Variants in NBPF11 observed in about 807,000 individuals in gnomAD.
NBPF11 encodes the protein NBPF family member NBPF11.
A neutral mutation model predicts 93.9 loss-of-function variants in NBPF11; 72 were observed. The ratio of observed to expected loss-of-function variants is 0.77; its 90% CI spans 0.63 to 0.93. The LOEUF (loss-of-function observed/expected upper bound fraction) is 0.93, where lower values mean the gene tolerates loss of function less well. Among genes scored for constraint, NBPF11 ranks in the 40% least tolerant of loss-of-function variants. The pLI, the probability that NBPF11 is intolerant of heterozygous loss-of-function variation, is 0.00. For missense variants in NBPF11, 705 were observed against 802.2 expected, an observed-to-expected ratio of 0.88 and a Z score of 1.46; for synonymous variants, 224 against 304.9, an observed-to-expected ratio of 0.73 and a Z score of 2.76.
In NBPF11 at chr1:148,149,131, C is replaced by A; in HGVS notation, c.-549+2619G>T. 6 of 1,578,346 alleles carry A rather than the reference C, an allele frequency of 3.8e-6. No homozygotes were observed. In the South Asian group the frequency reaches 6.8e-5, roughly 18 times the overall value. ...GGGAAGGGTGCGCGCGCGTTGGAGG[C>A]CGCGGCTGACCCTGCTCCGGCGCCG... On this transcript the variant is annotated intron_variant, in intron 1 of 23. Transcript: ENST00000682118.
intron 7 of NBPF11, among the ~76,000 whole-genome samples, chr1:148,123,389 C>T (rs1343689344): frequency 6.6e-6 from 1 of 152,222 alleles, no homozygotes; most frequent in Non-Finnish European, 1.5e-5. Context: ...CGTAAGTGTT[C>T]CCATATTTGG....
intron 2 of NBPF11, among the ~76,000 whole-genome samples, chr1:148,139,035 G>A (rs1257871380): frequency 1.3e-5 from 2 of 151,356 alleles, no homozygotes; most frequent in African/African-American, 4.9e-5. Flanking sequence ...AGGTTGCAGT[G>A]AGCTGAGATG....
chr1:148,146,704 G>C (rs1425614186), intron 1 of NBPF11: 8 of 1,611,938 alleles, frequency 5.0e-6, no homozygotes, highest in African/African-American at 1.3e-5. Context: ...CTGCATGTAT[G>C]TTCGCTGCGT....
intron 9 of NBPF11, among the ~76,000 whole-genome samples, chr1:148,121,057 C>T (rs1358339111): frequency 2.6e-5 from 4 of 151,636 alleles, no homozygotes; most frequent in Non-Finnish European, 4.4e-5. Context: ...TTTTTGTTTT[C>T]TGTTTGAGAC....
At chr1:148,149,232 C>T (rs1356371707) in intron 1 of NBPF11, 16 of 1,565,928 alleles carry the variant, frequency 1.0e-5, no homozygotes, top group Admixed American at 5.1e-5. Flanking sequence ...ATGGACCTGG[C>T]CTCGCGCTAC....
At chr1:148,114,261 C>G (rs1276405812) in intron 15 of NBPF11, among the ~76,000 whole-genome samples, 176 bp downstream of exon 15, 2 of 151,778 alleles carry the variant, frequency 1.3e-5, no homozygotes, top group Non-Finnish European at 2.9e-5. Flanking sequence ...CTTGAGAGGA[C>G]TATGAAATTA....
At chr1:148,132,734 T>C (rs1670628153) in intron 4 of NBPF11, among the ~76,000 whole-genome samples, 1 of 38,414 alleles carries the variant, frequency 2.6e-5, no homozygotes, top group South Asian at 1.2e-3. Context: ...TTTTTTTTTT[T>C]TTTTTTTTTT....
intron 4 of NBPF11, among the ~76,000 whole-genome samples, chr1:148,133,008 C>T (rs1281025514): frequency 9.4e-5 from 14 of 148,482 alleles, no homozygotes; most frequent in Admixed American, 9.4e-4. Flanking sequence ...CCTCGGCTTC[C>T]CAAAGTGCTG....
rs1668049023 is a variant in NBPF11, at chr1:148,122,282, G to T, written c.567-16C>A. On this transcript the variant is annotated splice_polypyrimidine_tract_variant and intron_variant, in intron 8 of 23. Coordinates refer to ENST00000682118, the MANE Select transcript of NBPF11 (RefSeq NM_001385469.3). ...CTGCACCTCCCTGATGAGCCAGGTG[G>T]GACAGAGATGACAGAAGATTAAACA... is the stretch of plus-strand genomic sequence containing the variant. 2.5e-6 allele frequency: 4 copies of T among 1,609,260 alleles called. No individual in the cohort carries two copies. The highest frequency in any genetic ancestry group is 3.4e-6 in the Non-Finnish European group (4 of 1,177,622).
Position 148,108,568 on chromosome 1 carries a change from A to C in NBPF11, c.1940T>G (p.Leu647Arg), listed in dbSNP as rs1305062438. ...DRCYSTPSVY[L>R]GLTDSCQPYR... The stretch of plus-strand genomic sequence containing the variant: ...GGGCTGGCATGAGTCAGTCAGTCCA[A>C]GATAAACTGAAGGAGTTGAATAACA... Residue 647 changes from leucine (L) to arginine (R), a missense_variant, in exon 18 of 24, where the codon CTT becomes CGT. By Grantham distance (102) the Leu-to-Arg change is moderately radical (BLOSUM62 -2). Coordinates refer to ENST00000682118, the MANE Select transcript of NBPF11 (RefSeq NM_001385469.3). The C allele has an allele frequency of 3.0e-4, 482 of 1,601,388 alleles. 1 individual carries two copies. The East Asian group carries it at 0.01, about 34-fold the overall frequency.
chr1:148,149,195 G>A (rs1241442365), intron 1 of NBPF11: 101 of 1,574,592 alleles, frequency 6.4e-5, no homozygotes, highest in African/African-American at 3.1e-4. Flanking sequence ...CATCCTGTAC[G>A]GGCAGAGCAT....
intron 1 of NBPF11, among the ~76,000 whole-genome samples, chr1:148,149,969 C>A (rs1230804636): frequency 6.6e-6 from 1 of 151,692 alleles, no homozygotes; most frequent in Non-Finnish European, 1.5e-5. Flanking sequence ...TGTGGGGTAA[C>A]TGGAATATTC....
In NBPF11 at chr1:148,103,794, T is replaced by C. The variant is rs1662844541; in HGVS notation, c.*102A>G. 1 of 1,611,956 alleles carries C rather than the reference T, an allele frequency of 6.2e-7. No individual in the cohort carries two copies. The highest frequency in any genetic ancestry group is 8.5e-7 in the Non-Finnish European group (1 of 1,179,486). ...TGTTCCTCAAATGAGTAAAACACAC[T>C]TCTGTAGTGCTGGAATGAGTCAGGT... On this transcript the variant is annotated 3_prime_UTR_variant, in exon 24 of 24. Coordinates refer to ENST00000682118, the MANE Select transcript of NBPF11 (RefSeq NM_001385469.3).
intron 12 of NBPF11, among the ~76,000 whole-genome samples, chr1:148,116,873 TCA>T (rs1666686034): frequency 1.3e-5 from 2 of 152,286 alleles, no homozygotes; most frequent in South Asian, 4.1e-4. Flanking sequence ...TGGTGTCCTG[TCA>T]CAGTTTGCAT....
intron 4 of NBPF11, among the ~76,000 whole-genome samples, chr1:148,134,300 GTCAGATAC>G (rs2149272965): frequency 6.6e-6 from 1 of 151,904 alleles, no homozygotes; most frequent in South Asian, 2.1e-4. Flanking sequence ...TGCAGCTATT[GTCAGATAC>G]TCAGTGCCAG....
In NBPF11 at chr1:148,115,193, A is replaced by G. The variant is rs1375344161; in HGVS notation, c.1585+600T>C. ...AAAAAAAAAAAAAAAAAAAAAAAAAAAAAAAAAAAATCTACGACGCTACAA... is the reference window on the plus strand; with the variant it reads ...AAAAAAAAAAAAAAAAAAAAAAAAAGAAAAAAAAAATCTACGACGCTACAA... On this transcript the variant is annotated intron_variant, in intron 14 of 23. Transcript: ENST00000682118. 5.0e-5 allele frequency among the ~76,000 whole-genome samples: 7 copies of G among 140,998 alleles called. No individual in the cohort carries two copies. In the East Asian group the frequency reaches 1.4e-3, roughly 29 times the overall value. 92.5% of individuals were successfully genotyped at this position (140,998 alleles called of 152,430 possible). A position where few individuals can be genotyped will look rare whatever the true frequency, so the allele number is the denominator to read the frequency against.
rs1174419865 is a variant in NBPF11, at chr1:148,135,216, G to A, written c.-36+456C>T. 28 of 146,960 alleles carry A rather than the reference G, an allele frequency of 1.9e-4. 1 individual carries two copies. The East Asian group carries it at 4.0e-3, about 21-fold the overall frequency. 9.1% of individuals were successfully genotyped at this position (146,960 alleles called of 1,614,324 possible). ...AGCATGTATCCTAAGGCATCCTGTT[G>A]AAAAACCTTTGTCTACTGTGTCCAG... On this transcript the variant is annotated intron_variant, in intron 4 of 23. Transcript: ENST00000682118.
chr1:148,104,392 T>C, intron 23 of NBPF11, 145 bp downstream of exon 23: 2 of 634,540 alleles, frequency 3.2e-6, no homozygotes, highest in Admixed American at 5.6e-5. Context: ...CCTAAACATC[T>C]ACTGCAATGA....
In NBPF11 at chr1:148,146,559, C is replaced by A; in HGVS notation, c.-548-2873G>T. 1.4e-5 allele frequency: 22 copies of A among 1,605,598 alleles called. 1 individual carries two copies. In the South Asian group the frequency reaches 2.3e-4, roughly 17 times the overall value. On this transcript the variant is annotated intron_variant, in intron 1 of 23. Coordinates refer to ENST00000682118, the MANE Select transcript of NBPF11 (RefSeq NM_001385469.3). ...GGGCCGGGGCCGCCCCCTTGGGGAC[C>A]CTGAGAGCCTCCTCGGGCGCACCCG...
Sources: allele counts gnomAD v4.1 joint callset (sites outside exome capture counted in the v4.1 genomes callset), GRCh38; gene constraint gnomAD v4.1.1; transcripts MANE v1.5; gene names NCBI Gene and HGNC (gene_info 2026-07-23, HGNC 2026-07-21).